The following SCUBE2 variants were observed in gnomAD, a reference collection of about 807,000 sequenced individuals.
SCUBE2 encodes signal peptide, CUB domain and EGF like domain containing 2.
A neutral mutation model predicts 125.9 loss-of-function variants in SCUBE2; 114 were observed. That is an observed-to-expected ratio of 0.91 (90% CI 0.78 to 1.06). The LOEUF is 1.06. Among genes scored for constraint, SCUBE2 ranks in the 50% least tolerant of loss-of-function variants. The pLI is 0.00. For missense variants in SCUBE2, 1,255 were observed against 1,301.8 expected, an observed-to-expected ratio of 0.96 and a Z score of 0.55; for synonymous variants, 459 against 492.9, an observed-to-expected ratio of 0.93 and a Z score of 0.91.
chr11:9,057,978 C>T lies in SCUBE2; in HGVS notation c.1090+1325G>A, dbSNP rs556192691. 3.9e-5 allele frequency among the ~76,000 whole-genome samples: 6 copies of T among 152,312 alleles called. No individual in the cohort carries two copies. In the East Asian group the frequency reaches 1.2e-3, roughly 29 times the overall value. On this transcript the variant is annotated intron_variant, in intron 9 of 22. Transcript: ENST00000649792. ...AAATAGAAAACAGCTTTCCCCCACC[C>T]AAAACAGCTGCTAATACTAACAACA...
At chr11:9,030,442 G>T in intron 18 of SCUBE2, 1 of 413,994 alleles carries the variant, frequency 2.4e-6, no homozygotes, top group Non-Finnish European at 4.4e-6. Context: ...GGTATTGGGG[G>T]GAAGCTCTAG....
At chr11:9,058,595 C>CAAAAAAAAAA (rs61409328) in intron 9 of SCUBE2, among the ~76,000 whole-genome samples, 16 of 44,312 alleles carry the variant, frequency 3.6e-4, no homozygotes, top group African/African-American at 1.2e-3. Flanking sequence ...GACTCTGTCT[C>CAAAAAAAAAA]AAAAAAAAAA....
intron 16 of SCUBE2, among the ~76,000 whole-genome samples, chr11:9,039,185 A>G (rs1856994090): frequency 6.6e-6 from 1 of 152,186 alleles, no homozygotes; most frequent in African/African-American, 2.4e-5. Flanking sequence ...TGGAGAACAG[A>G]TGGAGGCCAG....
Position 9,050,685 on chromosome 11 carries a change from T to C in SCUBE2, c.1560A>G (p.Val520=). The C allele has an allele frequency of 6.2e-7, 1 of 1,614,194 alleles. No homozygotes were observed. The highest frequency in any genetic ancestry group is 8.5e-7 in the Non-Finnish European group (1 of 1,179,986). ...ACTTGCCTTCATTTAGCTTAAAGGT[T>C]ACACTTGTCCTGATGGTGGTGACAT... ...FGDVTTIRTS[V]TFKLNEGKCS... is the part of the protein sequence containing the mutation. The change falls in exon 14 of 23, where the codon GTA becomes GTG. Residue 520 remains valine (V), a synonymous_variant. Coordinates refer to ENST00000649792, the MANE Select transcript of SCUBE2 (RefSeq NM_001367977.2).
rs1486555568 is a variant in SCUBE2, at chr11:9,047,929, G to A, written c.1795+14C>T. 2 of 1,603,744 alleles carry A rather than the reference G, an allele frequency of 1.2e-6. No homozygotes were observed. The highest frequency in any genetic ancestry group is 1.3e-5 in the African/African-American group (1 of 74,384). ...CGTGAGAAGCCTGGCAATGCAGACT[G>A]TTTTCAAACCAACCTGTCACCTCCT... is the stretch of plus-strand genomic sequence containing the variant. On this transcript the variant is annotated intron_variant, in intron 15 of 22. Coordinates refer to ENST00000649792, the MANE Select transcript of SCUBE2 (RefSeq NM_001367977.2).
At chr11:9,057,667 C>G (rs1047614305) in intron 9 of SCUBE2, among the ~76,000 whole-genome samples, 1 of 150,654 alleles carries the variant, frequency 6.6e-6, no homozygotes, top group Non-Finnish European at 1.5e-5. Context: ...TACAGGTGCC[C>G]GCCACCGCGC....
chr11:9,035,671 T>C (rs897044863), intron 16 of SCUBE2, among the ~76,000 whole-genome samples: 16 of 152,124 alleles, frequency 1.1e-4, no homozygotes, highest in African/African-American at 3.1e-4. Flanking sequence ...TTCTCTGTTA[T>C]AAGAAATAAA....
At chr11:9,050,494 G>A in intron 14 of SCUBE2, 112 bp downstream of exon 14, 2 of 780,346 alleles carry the variant, frequency 2.6e-6, no homozygotes, top group South Asian at 3.0e-5. Flanking sequence ...CATCTGCAGT[G>A]TGCTTGGATC....
In SCUBE2 at chr11:9,030,029, T is replaced by A. The variant is rs1265344091; in HGVS notation, c.2358A>T (p.Gly786=). 1 of 1,614,156 alleles carries A rather than the reference T, an allele frequency of 6.2e-7. No homozygotes were observed. The highest frequency in any genetic ancestry group is 1.1e-5 in the South Asian group (1 of 91,084). ...GGTGAGTGGTGGTGTTGTAGAAATG[T>A]CCAGGTGAACATTGAACTGTGGGTC... ...DCETRVQCSP[G]HFYNTTTHRC... is the part of the protein sequence containing the mutation. Residue 786 remains glycine, a synonymous_variant, in exon 19 of 23, where the codon GGA becomes GGT. Transcript: ENST00000649792.
chr11:9,089,683 C>G lies in SCUBE2; in HGVS notation c.256+24G>C, dbSNP rs376658616. ...AGGTAGGAGCTTCCCTACAGTCCCCCCACATGGTCCCCAAGGCACTTACCC... is the reference window on the plus strand; with the variant it reads ...AGGTAGGAGCTTCCCTACAGTCCCCGCACATGGTCCCCAAGGCACTTACCC... On this transcript the variant is annotated intron_variant, in intron 2 of 22. Coordinates refer to ENST00000649792, the MANE Select transcript of SCUBE2 (RefSeq NM_001367977.2). 4 of 1,611,146 alleles carry G rather than the reference C, an allele frequency of 2.5e-6. No homozygotes were observed. The African/African-American group carries it at 5.3e-5, about 22-fold the overall frequency.
intron 18 of SCUBE2, 99 bp downstream of exon 18, chr11:9,030,659 C>A: frequency 1.6e-6 from 2 of 1,230,674 alleles, no homozygotes; most frequent in Non-Finnish European, 2.3e-6. Context: ...GCCACTGGGG[C>A]ACTGCATCAG....
intron 9 of SCUBE2, among the ~76,000 whole-genome samples, chr11:9,057,878 A>T (rs1235454952): frequency 1.3e-5 from 2 of 152,174 alleles, no homozygotes; most frequent in African/African-American, 4.8e-5. Flanking sequence ...ATTCCCAAAA[A>T]TGGAGCAAGA....
chr11:9,038,870 T>C (rs1856963806), intron 16 of SCUBE2, among the ~76,000 whole-genome samples: 1 of 151,170 alleles, frequency 6.6e-6, no homozygotes, highest in African/African-American at 2.4e-5. Flanking sequence ...CTGATTTATG[T>C]TTTTCTTTTC....
At chr11:9,065,490 C>A (rs1389343250) in intron 7 of SCUBE2, among the ~76,000 whole-genome samples, 1 of 152,184 alleles carries the variant, frequency 6.6e-6, no homozygotes, top group East Asian at 1.9e-4. Flanking sequence ...GTCAATTAAG[C>A]CTCTTTCTTT....
intron 21 of SCUBE2, 180 bp from the exon 22 acceptor site, chr11:9,022,135 C>T: frequency 1.7e-6 from 1 of 571,450 alleles, no homozygotes; most frequent in South Asian, 1.9e-5. Context: ...CACCTCTCTT[C>T]ACCTACCAGC....
chr11:9,079,315 G>C, intron 3 of SCUBE2, 69 bp downstream of exon 3: 1 of 1,587,906 alleles, frequency 6.3e-7, no homozygotes, highest in Non-Finnish European at 8.6e-7. Flanking sequence ...TCATGAGGAG[G>C]TCTTCACCAA....
At chr11:9,088,718 A>G (rs1862338459) in intron 2 of SCUBE2, among the ~76,000 whole-genome samples, 1 of 152,222 alleles carries the variant, frequency 6.6e-6, no homozygotes, top group Non-Finnish European at 1.5e-5. Context: ...AGGAGCAAGG[A>G]GGGATACTCA....
In SCUBE2 at chr11:9,089,793, T is replaced by G; in HGVS notation, c.170A>C (p.His57Pro). 1 of 1,613,972 alleles carries G rather than the reference T, an allele frequency of 6.2e-7. No homozygotes were observed. Among genetic ancestry groups the G allele is most frequent in the East Asian group, 2.2e-5 (1 of 44,834 alleles). The change falls in exon 2 of 23, where the codon CAT (histidine) becomes CCT (proline). Residue 57 changes from histidine (H) to proline (P), a missense_variant. By Grantham distance (77) the His-to-Pro change is moderately conservative (BLOSUM62 -2). Coordinates refer to ENST00000649792, the MANE Select transcript of SCUBE2 (RefSeq NM_001367977.2). ...TGTGTTCTGACACAGGGCGTCGGCA[T>G]GGCAGTCATCTAGCCCTTGGGCACA... ...DECAQGLDDC[H>P]ADALCQNTPT...
Position 9,066,665 on chromosome 11 carries a change from G to A in SCUBE2, c.760+32C>T, listed in dbSNP as rs754192007. ...GGGTAGGGACAGGCAGGCTGGTGCA[G>A]ACCCTCACTCAGTGTTGGGGTTGCC... is the stretch of plus-strand genomic sequence containing the variant. On this transcript the variant is annotated intron_variant, in intron 6 of 22. Coordinates refer to ENST00000649792, the MANE Select transcript of SCUBE2 (RefSeq NM_001367977.2). 9.7e-6 allele frequency: 15 copies of A among 1,543,450 alleles called. No homozygotes were observed. In the East Asian group the frequency reaches 3.4e-4, roughly 35 times the overall value.
Sources: allele counts gnomAD v4.1 joint callset (sites outside exome capture counted in the v4.1 genomes callset), GRCh38; gene constraint gnomAD v4.1.1; transcripts MANE v1.5; gene names NCBI Gene and HGNC (gene_info 2026-07-23, HGNC 2026-07-21).